Variants in RIGI observed in about 807,000 individuals in gnomAD.
The protein encoded by RIGI is RNA sensor RIG-I.
chr9:32,494,549 A>G, the RIGI span, among the ~76,000 whole-genome samples: 63,465 of 152,014 alleles, frequency 0.42, 13,717 homozygotes, highest in South Asian at 0.51. Context: ...TAAAAAACAG[A>G]TAAAACATTT....
the RIGI span, among the ~76,000 whole-genome samples, chr9:32,500,477 ATT>A: frequency 6.6e-6 from 1 of 152,166 alleles, no homozygotes; most frequent in African/African-American, 2.4e-5. Context: ...TACAATTGTT[ATT>A]ATTAAAAATG....
At chr9:32,517,312 G>C in the RIGI span, among the ~76,000 whole-genome samples, 1 of 152,338 alleles carries the variant, frequency 6.6e-6, no homozygotes, top group Non-Finnish European at 1.5e-5. Context: ...GTAGATTCGT[G>C]AGTTTGTATT....
chr9:32,484,615 T>C, the RIGI span, among the ~76,000 whole-genome samples: 1 of 152,208 alleles, frequency 6.6e-6, no homozygotes, highest in Non-Finnish European at 1.5e-5. Context: ...CTCACATGTG[T>C]CTCCTTCCTT....
At chr9:32,513,064 T>G in the RIGI span, among the ~76,000 whole-genome samples, 1 of 151,638 alleles carries the variant, frequency 6.6e-6, no homozygotes, top group Non-Finnish European at 1.5e-5. Flanking sequence ...CTCAATGAAA[T>G]AAAAGAGGAT....
chr9:32,455,474 C>G, the RIGI span, among the ~76,000 whole-genome samples: 1 of 152,106 alleles, frequency 6.6e-6, no homozygotes, highest in Non-Finnish European at 1.5e-5. Flanking sequence ...ACCATCAGAT[C>G]TCATGAGAAC....
chr9:32,509,035 T>C, the RIGI span, among the ~76,000 whole-genome samples: 6 of 152,164 alleles, frequency 3.9e-5, no homozygotes, highest in Non-Finnish European at 4.4e-5. Context: ...CCACTATAGC[T>C]AGACTGCCTC....
chr9:32,461,126 G>T, the RIGI span, among the ~76,000 whole-genome samples: 12 of 151,830 alleles, frequency 7.9e-5, no homozygotes, highest in Non-Finnish European at 1.5e-4. Flanking sequence ...AACGATGGAG[G>T]CTACCTGGAA....
chr9:32,474,929 C>T, the RIGI span, among the ~76,000 whole-genome samples: 1 of 152,046 alleles, frequency 6.6e-6, no homozygotes, highest in Non-Finnish European at 1.5e-5. Flanking sequence ...CATTCCTCCC[C>T]AATTTTATCT....
the RIGI span, chr9:32,488,798 C>CA: frequency 6.2e-7 from 1 of 1,613,068 alleles, no homozygotes; most frequent in Non-Finnish European, 8.5e-7. Flanking sequence ...ATCTGATTCG[C>CA]AAAAAAGACA....
chr9:32,492,259 G>C, the RIGI span: 1 of 983,840 alleles, frequency 1.0e-6, no homozygotes, highest in Non-Finnish European at 1.5e-6. Context: ...CCAGAATCCA[G>C]CTTCCTGCTG....
chr9:32,479,994 T>G, the RIGI span, among the ~76,000 whole-genome samples: 1 of 152,162 alleles, frequency 6.6e-6, no homozygotes, highest in Non-Finnish European at 1.5e-5. Context: ...TTGCAAATCT[T>G]GTTTTTCCTT....
the RIGI span, chr9:32,489,512 G>C: frequency 9.6e-7 from 1 of 1,040,350 alleles, no homozygotes; most frequent in Admixed American, 1.9e-5. Context: ...CACGGCAATA[G>C]CTACAGTCTA....
the RIGI span, among the ~76,000 whole-genome samples, chr9:32,469,932 T>C: frequency 1.3e-5 from 2 of 152,224 alleles, no homozygotes; most frequent in African/African-American, 4.8e-5. Context: ...CATATTACTT[T>C]CCATTACCTA....
the RIGI span, chr9:32,491,418 T>C: frequency 8.1e-6 from 13 of 1,604,244 alleles, no homozygotes; most frequent in African/African-American, 6.7e-5. Flanking sequence ...ACATCTTTTA[T>C]ACCTTTTTAA....
the RIGI span, among the ~76,000 whole-genome samples, chr9:32,469,824 T>C: frequency 6.6e-6 from 1 of 152,174 alleles, no homozygotes; most frequent in Admixed American, 6.5e-5. Context: ...ACCGTGTGGA[T>C]CCTAAAGACA....
the RIGI span, chr9:32,480,263 G>T: frequency 6.2e-7 from 1 of 1,610,732 alleles, no homozygotes; most frequent in Non-Finnish European, 8.5e-7. Context: ...ATCGAATCCT[G>T]CTGCTCGGAC....
the RIGI span, among the ~76,000 whole-genome samples, chr9:32,477,638 A>G: frequency 6.6e-6 from 1 of 152,170 alleles, no homozygotes. Flanking sequence ...TTAAAAATAT[A>G]GTCAGGCCGG....
the RIGI span, among the ~76,000 whole-genome samples, chr9:32,472,602 A>C: frequency 6.6e-6 from 1 of 152,244 alleles, no homozygotes; most frequent in Non-Finnish European, 1.5e-5. Flanking sequence ...CTCCAAAGTC[A>C]GAGACTCCAA....
At chr9:32,511,387 A>G in the RIGI span, among the ~76,000 whole-genome samples, 1 of 152,184 alleles carries the variant, frequency 6.6e-6, no homozygotes, top group Non-Finnish European at 1.5e-5. Flanking sequence ...ACAGTCTGTC[A>G]GAACACAGTG....
Sources: allele counts gnomAD v4.1 joint callset (sites outside exome capture counted in the v4.1 genomes callset), GRCh38; gene constraint gnomAD v4.1.1; transcripts MANE v1.5; gene names NCBI Gene and HGNC (gene_info 2026-07-23, HGNC 2026-07-21).